KCNQ3: variants seen among roughly 807,000 people sequenced by gnomAD.
KCNQ3 encodes the protein potassium voltage-gated channel subfamily KQT member 3.
A neutral mutation model predicts 92.5 loss-of-function variants in KCNQ3; 30 were observed. That is an observed-to-expected ratio of 0.32 (90% CI 0.24 to 0.44). The LOEUF (loss-of-function observed/expected upper bound fraction) is 0.44. KCNQ3 is among the 20% of genes least tolerant of loss of function. The pLI is 1.00. For missense variants in KCNQ3, 913 were observed against 1,140.3 expected (o/e 0.80, Z 2.87); for synonymous variants, 450 against 468.8 (o/e 0.96, Z 0.52).
intron 1 of KCNQ3, among the ~76,000 whole-genome samples, chr8:132,411,583 A>C (rs1247603584): frequency 6.6e-6 from 1 of 152,142 alleles, no homozygotes; most frequent in Non-Finnish European, 1.5e-5. Context: ...CATGAGAGGA[A>C]TCAGCAGCTC....
chr8:132,325,449 A>G (rs948601454), intron 1 of KCNQ3, among the ~76,000 whole-genome samples: 1 of 152,126 alleles, frequency 6.6e-6, no homozygotes, highest in African/African-American at 2.4e-5. Context: ...TGAAGTCCTA[A>G]CCCCTAGGAC....
rs1467480983 is a variant in KCNQ3, at chr8:132,478,797, A to G, written c.386+1350T>C. ...TTGAAGAAACCTGTTGCTAAGTCTG[A>G]GGTCCTGTGTGGACGCCCCCACCTG... On this transcript the variant is annotated intron_variant, in intron 1 of 14. Coordinates refer to ENST00000388996, the MANE Select transcript of KCNQ3 (RefSeq NM_004519.4). 3.3e-5 allele frequency among the ~76,000 whole-genome samples: 5 copies of G among 151,992 alleles called. No homozygotes were observed. In the South Asian group the frequency reaches 1.0e-3, roughly 32 times the overall value.
intron 1 of KCNQ3, among the ~76,000 whole-genome samples, chr8:132,208,279 T>C (rs1284577227): frequency 6.6e-6 from 1 of 152,016 alleles, no homozygotes; most frequent in Non-Finnish European, 1.5e-5. Context: ...CACATGCTAC[T>C]CTGCTGGGAG....
At chr8:132,187,874 T>TAAGTGATGGTGGCGGTGGTGGTGATA (rs1162805209) in intron 1 of KCNQ3, among the ~76,000 whole-genome samples, 2 of 100,242 alleles carry the variant, frequency 2.0e-5, no homozygotes, top group African/African-American at 8.9e-5. Flanking sequence ...GTGGTGGTGA[T>TAAGTGATGGTGGCGGTGGTGGTGATA]AGTGATGGTG....
chr8:132,284,959 G>A (rs953308628), intron 1 of KCNQ3, among the ~76,000 whole-genome samples: 1 of 152,180 alleles, frequency 6.6e-6, no homozygotes, highest in Admixed American at 6.5e-5. Flanking sequence ...CTATTAAGTA[G>A]CATAAGTGCT....
At chr8:132,328,919 C>G (rs1381388793) in intron 1 of KCNQ3, among the ~76,000 whole-genome samples, 1 of 152,176 alleles carries the variant, frequency 6.6e-6, no homozygotes, top group Non-Finnish European at 1.5e-5. Context: ...CAGGCCCAGG[C>G]CACAGAGACC....
intron 1 of KCNQ3, among the ~76,000 whole-genome samples, chr8:132,342,255 T>G (rs1045025068): frequency 1.3e-5 from 2 of 152,122 alleles, no homozygotes; most frequent in Non-Finnish European, 1.5e-5. Flanking sequence ...AAAGGCACCA[T>G]GTCTTCACCT....
At chr8:132,321,945 G>A (rs1294194827) in intron 1 of KCNQ3, among the ~76,000 whole-genome samples, 1 of 152,186 alleles carries the variant, frequency 6.6e-6, no homozygotes, top group African/African-American at 2.4e-5. Flanking sequence ...GCCCAATGGA[G>A]GAGGAGGTGC....
chr8:132,449,007 G>C (rs1821761012), intron 1 of KCNQ3, among the ~76,000 whole-genome samples: 2 of 152,164 alleles, frequency 1.3e-5, no homozygotes, highest in African/African-American at 4.8e-5. Context: ...ACCGGCTTCG[G>C]TGTAGACTAT....
intron 1 of KCNQ3, among the ~76,000 whole-genome samples, chr8:132,254,369 T>C (rs1423480735): frequency 1.3e-5 from 2 of 152,186 alleles, no homozygotes; most frequent in East Asian, 1.9e-4. Context: ...ACTGCTTGCA[T>C]AGACAAATTA....
chr8:132,327,274 G>A (rs925228111), intron 1 of KCNQ3, among the ~76,000 whole-genome samples: 3 of 152,184 alleles, frequency 2.0e-5, no homozygotes, highest in African/African-American at 4.8e-5. Context: ...TAGGTACTGA[G>A]GGAAGCACTC....
chr8:132,217,998 G>T (rs1425631735), intron 1 of KCNQ3, among the ~76,000 whole-genome samples: 1 of 152,198 alleles, frequency 6.6e-6, no homozygotes, highest in Non-Finnish European at 1.5e-5. Flanking sequence ...TTATTAATTT[G>T]CTTAGCCAAG....
chr8:132,230,445 GAGAC>G (rs1211159017), intron 1 of KCNQ3, among the ~76,000 whole-genome samples: 13 of 113,214 alleles, frequency 1.1e-4, no homozygotes, highest in African/African-American at 4.4e-4. Context: ...GAGAGAGAGA[GAGAC>G]AGAGAGAGAG....
At chr8:132,180,028 T>C in intron 4 of KCNQ3, 129 bp downstream of exon 4, 2 of 1,057,904 alleles carry the variant, frequency 1.9e-6, no homozygotes, top group South Asian at 2.6e-5. Flanking sequence ...CTCCTCTTCC[T>C]CTTTGTCGTT....
chr8:132,308,289 T>C (rs1457788), intron 1 of KCNQ3, among the ~76,000 whole-genome samples: 118,456 of 151,982 alleles, frequency 0.78, 46,615 homozygotes, highest in East Asian at 0.92. Context: ...CAACCCTGCC[T>C]TCCCGAAGCC....
At chr8:132,295,054 A>C (rs1816974359) in intron 1 of KCNQ3, among the ~76,000 whole-genome samples, 1 of 152,226 alleles carries the variant, frequency 6.6e-6, no homozygotes, top group Admixed American at 6.5e-5. Context: ...ATCTAAACTA[A>C]AGAGCTTCTG....
Position 132,123,891 on chromosome 8 carries a change from C to T in KCNQ3, c.*5371G>A, listed in dbSNP as rs923077301. ...AAGCCGTGAAAGCCTGGGAACAAAT[C>T]TCCCCAGGGAAGGTTTAAGCAAGCA... On this transcript the variant is annotated 3_prime_UTR_variant, in exon 15 of 15. Coordinates refer to ENST00000388996, the MANE Select transcript of KCNQ3 (RefSeq NM_004519.4). 11 of 152,226 alleles carry T rather than the reference C, an allele frequency of 7.2e-5. No individual in the cohort carries two copies. The highest frequency in any genetic ancestry group is 1.5e-5 in the Non-Finnish European group (1 of 68,042). 9.4% of individuals were successfully genotyped at this position (152,226 alleles called of 1,614,324 possible).
chr8:132,358,349 A>AC (rs899847132), intron 1 of KCNQ3, among the ~76,000 whole-genome samples: 2 of 152,014 alleles, frequency 1.3e-5, no homozygotes, highest in Non-Finnish European at 2.9e-5. Flanking sequence ...GATGCTTTAG[A>AC]CCCCCTCTGG....
In KCNQ3 at chr8:132,122,690, A is replaced by T. The variant is rs1824521706; in HGVS notation, c.*6572T>A. On this transcript the variant is annotated 3_prime_UTR_variant, in exon 15 of 15. Coordinates refer to ENST00000388996, the MANE Select transcript of KCNQ3 (RefSeq NM_004519.4). ...AGAACTTGACCATCCTTCTTTCTGA[A>T]TATCTCTTAGGAGCTTTCACTTCAG... 2.6e-5 allele frequency: 4 copies of T among 152,156 alleles called. No homozygotes were observed. 9.4% of individuals were successfully genotyped at this position (152,156 alleles called of 1,614,324 possible).
Sources: gnomAD v4.1 joint callset for allele counts (sites outside exome capture counted in the v4.1 genomes callset) on GRCh38, gnomAD v4.1.1 for gene constraint, MANE v1.5 for transcripts, NCBI Gene and HGNC (gene_info 2026-07-23, HGNC 2026-07-21) for gene names.